NAMPT: variants seen among roughly 807,000 people sequenced by gnomAD.
NAMPT encodes the protein nicotinamide phosphoribosyltransferase.
In NAMPT, 7 loss-of-function variants were observed where a neutral mutation model predicts 58.7. That is an observed-to-expected ratio of 0.12 (90% CI 0.07 to 0.22). The LOEUF is 0.22. NAMPT is among the 10% of genes least tolerant of loss of function. The pLI, the probability that NAMPT is intolerant of heterozygous loss-of-function variation, is 1.00. For missense variants in NAMPT, 271 were observed against 567.9 expected, an observed-to-expected ratio of 0.48 and a Z score of 5.31; for synonymous variants, 145 against 198.1, an observed-to-expected ratio of 0.73 and a Z score of 2.25.
intron 1 of NAMPT, among the ~76,000 whole-genome samples, chr7:106,279,270 TGGAGAACCTTA>T (rs1228101219): frequency 7.9e-5 from 12 of 152,346 alleles, no homozygotes; most frequent in African/African-American, 2.6e-4. Flanking sequence ...TAAAAATCTT[TGGAGAACCTTA>T]AGAGTATCGT....
chr7:106,255,469 AAATAGTCTCAAATTGACTTTTTT>A (rs1792184099), intron 8 of NAMPT, among the ~76,000 whole-genome samples: 1 of 152,336 alleles, frequency 6.6e-6, no homozygotes, highest in Non-Finnish European at 1.5e-5. Context: ...CATTCTCACC[AAATAGTCTCAAATTGACTTTTTT>A]AATAGTCTCG....
intron 6 of NAMPT, among the ~76,000 whole-genome samples, chr7:106,266,950 C>T (rs1336082933): frequency 1.3e-5 from 2 of 152,200 alleles, no homozygotes; most frequent in Non-Finnish European, 2.9e-5. Context: ...CCTGTCTTCT[C>T]AGTCTCCCCT....
intron 3 of NAMPT, 95 bp from the exon 4 acceptor site, chr7:106,272,753 ATT>A: frequency 7.5e-7 from 1 of 1,333,224 alleles, no homozygotes; most frequent in Non-Finnish European, 1.1e-6. Context: ...TAGAAGCTAA[ATT>A]TACTGTCATA....
In NAMPT at chr7:106,250,027, T is replaced by A. The variant is rs1465295274; in HGVS notation, c.*1056A>T. On this transcript the variant is annotated 3_prime_UTR_variant, in exon 11 of 11. Coordinates refer to ENST00000222553, the MANE Select transcript of NAMPT (RefSeq NM_005746.3). The stretch of plus-strand genomic sequence containing the variant: ...TTATTGAGGGCATTCAGTTTAAAAT[T>A]AATAAATGATGTCCATACAATTTAA... 3 of 152,196 alleles carry A rather than the reference T, an allele frequency of 2.0e-5. No individual in the cohort carries two copies. The highest frequency in any genetic ancestry group is 6.6e-5 in the Admixed American group (1 of 15,246). The allele number at this position is 152,196 out of a possible 1,614,324, so 9.4% of individuals were successfully genotyped here.
At chr7:106,261,765 G>A (rs558486802) in intron 7 of NAMPT, 58 bp from the exon 8 acceptor site, 1 of 1,512,418 alleles carries the variant, frequency 6.6e-7, no homozygotes, top group Admixed American at 1.9e-5. Context: ...AAGTATAAGA[G>A]CTTTTCAAAG....
chr7:106,280,195 G>A (rs73422743), intron 1 of NAMPT, among the ~76,000 whole-genome samples: 4,259 of 152,214 alleles, frequency 0.028, 220 homozygotes, highest in African/African-American at 0.097. Flanking sequence ...TAGGTTAGAT[G>A]GGAGAATTTG....
chr7:106,284,330 G>T (rs1267044785), intron 1 of NAMPT: 1 of 150,288 alleles, frequency 6.7e-6, no homozygotes, highest in Non-Finnish European at 1.5e-5. Context: ...CTCCCACCTC[G>T]CGCCCCGGGA....
intron 7 of NAMPT, among the ~76,000 whole-genome samples, chr7:106,261,945 C>T (rs1048166182): frequency 6.6e-6 from 1 of 151,900 alleles, no homozygotes; most frequent in African/African-American, 2.4e-5. Flanking sequence ...CATAAAGTGG[C>T]TCAAAACAAG....
intron 7 of NAMPT, 40 bp downstream of exon 7, chr7:106,263,352 C>T: frequency 7.0e-7 from 1 of 1,424,038 alleles, no homozygotes; most frequent in Non-Finnish European, 9.9e-7. Context: ...AGCTGGCCTA[C>T]AGAGGGATTC....
intron 4 of NAMPT, chr7:106,270,417 AAAGATTAACCTTG>A (rs1201942207): frequency 8.4e-6 from 2 of 236,970 alleles, no homozygotes; most frequent in African/African-American, 4.7e-5. Context: ...AAACAAATAA[AAAGATTAACCTTG>A]AACTTGCCAA....
chr7:106,271,653 A>T (rs995805106), intron 4 of NAMPT, among the ~76,000 whole-genome samples: 4 of 152,106 alleles, frequency 2.6e-5, no homozygotes, highest in Non-Finnish European at 4.4e-5. Flanking sequence ...ATTTCCTGTC[A>T]ACTTAGCAAA....
Position 106,250,807 on chromosome 7 carries a change from G to A in NAMPT, c.*276C>T, listed in dbSNP as rs1792092907. 1 of 357,982 alleles carries A rather than the reference G, an allele frequency of 2.8e-6. No individual in the cohort carries two copies. The highest frequency in any genetic ancestry group is 2.1e-5 in the African/African-American group (1 of 46,550). The allele number at this position is 357,982 out of a possible 1,614,324, so 22.2% of individuals were successfully genotyped here. A position where few individuals can be genotyped will look rare whatever the true frequency, so the allele number is the denominator to read the frequency against. On this transcript the variant is annotated 3_prime_UTR_variant, in exon 11 of 11. Coordinates refer to ENST00000222553, the MANE Select transcript of NAMPT (RefSeq NM_005746.3). Reference sequence around the variant, plus strand: ...ATCAGTTATATATAAAAGTTTCTCAGTTCTGTTATTTGTGAAAAGATCAAT... The same window carrying A: ...ATCAGTTATATATAAAAGTTTCTCAATTCTGTTATTTGTGAAAAGATCAAT...
intron 5 of NAMPT, 75 bp downstream of exon 5, chr7:106,269,079 G>T: frequency 2.2e-6 from 3 of 1,368,046 alleles, no homozygotes; most frequent in Non-Finnish European, 3.0e-6. Context: ...TCTCAATAAC[G>T]TCCCCAAAAG....
rs906013401 is a variant in NAMPT at position 106,249,653 on chromosome 7, G to A, written c.*1430C>T. ...GGTTAATAAACATTTTGGGCTTTGCGATTCTCATTTGGCTTCTATTGCAGC... is the reference window on the plus strand; with the variant it reads ...GGTTAATAAACATTTTGGGCTTTGCAATTCTCATTTGGCTTCTATTGCAGC... On this transcript the variant is annotated 3_prime_UTR_variant, in exon 11 of 11. Transcript: ENST00000222553. 2 of 151,970 alleles carry A rather than the reference G, an allele frequency of 1.3e-5. No homozygotes were observed. Among genetic ancestry groups the A allele is most frequent in the Non-Finnish European group, 2.9e-5 (2 of 67,950 alleles). The allele number at this position is 151,970 out of a possible 1,614,324, so 9.4% of individuals were successfully genotyped here. A position where few individuals can be genotyped will look rare whatever the true frequency, so the allele number is the denominator to read the frequency against.
chr7:106,254,669 C>T (rs1371398652), intron 8 of NAMPT, among the ~76,000 whole-genome samples, 165 bp from the exon 9 acceptor site: 1 of 152,076 alleles, frequency 6.6e-6, no homozygotes, highest in African/African-American at 2.4e-5. Flanking sequence ...CCACCCACCC[C>T]CAAAAGATGG....
intron 4 of NAMPT, among the ~76,000 whole-genome samples, chr7:106,269,841 G>A (rs900905947): frequency 6.6e-6 from 1 of 152,130 alleles, no homozygotes; most frequent in Non-Finnish European, 1.5e-5. Context: ...TTTACTCCTC[G>A]AGGTAGTCTC....
At chr7:106,259,760 C>G (rs1228572162) in intron 8 of NAMPT, among the ~76,000 whole-genome samples, 1 of 152,056 alleles carries the variant, frequency 6.6e-6, no homozygotes, top group Non-Finnish European at 1.5e-5. Context: ...TGAAATTACT[C>G]TTTGATGGAT....
At chr7:106,280,595 T>A (rs1792742778) in intron 1 of NAMPT, among the ~76,000 whole-genome samples, 2 of 152,174 alleles carry the variant, frequency 1.3e-5, no homozygotes, top group South Asian at 4.1e-4. Flanking sequence ...CTTCCTAAAC[T>A]GGCATGGCCC....
intron 1 of NAMPT, among the ~76,000 whole-genome samples, chr7:106,279,953 G>C (rs1210266134): frequency 2.0e-5 from 3 of 152,110 alleles, no homozygotes; most frequent in Non-Finnish European, 4.4e-5. Flanking sequence ...AAAAGTATGG[G>C]GGCGGGGTGG....
Sources: gnomAD v4.1 joint callset for allele counts (sites outside exome capture counted in the v4.1 genomes callset) on GRCh38, gnomAD v4.1.1 for gene constraint, MANE v1.5 for transcripts, NCBI Gene and HGNC (gene_info 2026-07-23, HGNC 2026-07-21) for gene names.